BCAR3: variants seen among roughly 807,000 people sequenced by gnomAD.
BCAR3 encodes the protein breast cancer anti-estrogen resistance protein 3.
Under a neutral mutation model 80.1 loss-of-function variants are expected in BCAR3, and 37 were observed. The ratio of observed to expected loss-of-function variants is 0.46; its 90% confidence interval spans 0.36 to 0.61. BCAR3 has a LOEUF of 0.61. Ranked by LOEUF, BCAR3 falls within the 20% of genes least tolerant of loss-of-function variation. The pLI, the probability that BCAR3 is intolerant of heterozygous loss-of-function variation, is 0.00. For synonymous variants in BCAR3, 389 were observed against 418.9 expected (o/e 0.93, Z 0.87); for missense variants, 978 against 1,068.2 (o/e 0.92, Z 1.18).
chr1:93,704,106 A>T (rs1236493092), intron 3 of BCAR3, among the ~76,000 whole-genome samples: 3 of 152,204 alleles, frequency 2.0e-5, no homozygotes, highest in African/African-American at 4.8e-5. Flanking sequence ...AGGGCTAGTG[A>T]GAGACTTAGG....
chr1:93,693,062 C>T (rs1053998839), intron 3 of BCAR3, among the ~76,000 whole-genome samples: 27 of 152,084 alleles, frequency 1.8e-4, no homozygotes, highest in Non-Finnish European at 3.5e-4. Context: ...CTCCAGTGCC[C>T]GGGGTTTGCC....
chr1:93,757,382 T>C (rs1445634616), intron 2 of BCAR3, among the ~76,000 whole-genome samples: 1 of 152,118 alleles, frequency 6.6e-6, no homozygotes, highest in Non-Finnish European at 1.5e-5. Flanking sequence ...CACATCTCAC[T>C]CCACTGAGAC....
chr1:93,562,488 C>T, intron 11 of BCAR3, 69 bp from the exon 12 acceptor site: 1 of 1,502,044 alleles, frequency 6.7e-7, no homozygotes, highest in Non-Finnish European at 9.1e-7. Context: ...AGACTGAAAG[C>T]ACCAGGCGCG....
intron 3 of BCAR3, among the ~76,000 whole-genome samples, chr1:93,634,405 G>GTT (rs1675714342): frequency 6.6e-6 from 1 of 152,098 alleles, no homozygotes; most frequent in Admixed American, 6.6e-5. Context: ...AAAATGGGGA[G>GTT]TTTTGGCTGG....
intron 2 of BCAR3, among the ~76,000 whole-genome samples, chr1:93,664,611 CACAGTGGT>C (rs1396007061): frequency 6.6e-6 from 1 of 152,172 alleles, no homozygotes; most frequent in African/African-American, 2.4e-5. Context: ...AAGACTAATA[CACAGTGGT>C]ACTGGTTGAT....
intron 2 of BCAR3, among the ~76,000 whole-genome samples, chr1:93,809,259 C>T (rs1044586259): frequency 2.6e-5 from 4 of 152,024 alleles, no homozygotes; most frequent in African/African-American, 9.7e-5. Flanking sequence ...GCTGACTCCT[C>T]TATCACTGTA....
chr1:93,718,829 G>A (rs754946101), intron 2 of BCAR3, among the ~76,000 whole-genome samples: 11 of 150,272 alleles, frequency 7.3e-5, no homozygotes, highest in Non-Finnish European at 1.3e-4. Context: ...CCATGTAGCT[G>A]GGACTACAGG....
At chr1:93,806,018 G>T (rs1050362853) in intron 2 of BCAR3, among the ~76,000 whole-genome samples, 6 of 151,986 alleles carry the variant, frequency 3.9e-5, no homozygotes, top group Admixed American at 2.6e-4. Context: ...CCCAAGTATA[G>T]ATTTGAAAAG....
chr1:93,576,060 T>C lies in BCAR3; in HGVS notation c.1756A>G (p.Ile586Val). The C allele has an allele frequency of 1.2e-6, 2 of 1,614,146 alleles. No homozygotes were observed. The highest frequency in any genetic ancestry group is 1.7e-6 in the Non-Finnish European group (2 of 1,180,022). ...NMGVSSGLELITLPHGHQLRL... is the reference protein window; with the variant it reads ...NMGVSSGLELVTLPHGHQLRL... Reference sequence around the variant, plus strand: ...AGCTGGTGTCCGTGAGGCAAGGTAATGAGTTCCAGGCCTGAGCTCACCCCC... The same window carrying C: ...AGCTGGTGTCCGTGAGGCAAGGTAACGAGTTCCAGGCCTGAGCTCACCCCC... The change falls in exon 8 of 12, where the codon ATT becomes GTT. Residue 586 changes from isoleucine to valine, a missense_variant. Coordinates refer to ENST00000260502, the MANE Select transcript of BCAR3 (RefSeq NM_003567.4).
chr1:93,577,776 C>T (rs1253988718), intron 7 of BCAR3, among the ~76,000 whole-genome samples: 1 of 152,190 alleles, frequency 6.6e-6, no homozygotes, highest in Non-Finnish European at 1.5e-5. Context: ...AGGGGTGTCC[C>T]CCACGCTCTG....
intron 2 of BCAR3, among the ~76,000 whole-genome samples, chr1:93,770,595 G>A (rs915783753): frequency 2.0e-5 from 3 of 152,126 alleles, no homozygotes; most frequent in Admixed American, 6.5e-5. Flanking sequence ...CACATAACCT[G>A]GGAGCATCCC....
At chr1:93,614,310 G>A (rs544550848) in intron 3 of BCAR3, among the ~76,000 whole-genome samples, 5 of 152,100 alleles carry the variant, frequency 3.3e-5, no homozygotes, top group Admixed American at 6.5e-5. Context: ...CCTCTCCCCC[G>A]ACCCAGAATT....
At chr1:93,829,684 T>C (rs1393955355) in intron 2 of BCAR3, among the ~76,000 whole-genome samples, 2 of 152,220 alleles carry the variant, frequency 1.3e-5, no homozygotes, top group Non-Finnish European at 2.9e-5. Flanking sequence ...GCCATGCTTT[T>C]CCCTTGTTAA....
chr1:93,723,280 C>G (rs1334625977), intron 2 of BCAR3: 1 of 152,352 alleles, frequency 6.6e-6, no homozygotes, highest in East Asian at 1.9e-4. Context: ...GCCCTGTTGG[C>G]ATGGAGGCAA....
At position 93,674,623 on chromosome 1, in the gene BCAR3, A is replaced by C; in HGVS notation, c.308T>G (p.Phe103Cys). 1 of 1,612,644 alleles carries C rather than the reference A, an allele frequency of 6.2e-7. No homozygotes were observed. The highest frequency in any genetic ancestry group is 8.5e-7 in the Non-Finnish European group (1 of 1,179,712). The change falls in exon 2 of 12, where the codon TTC (phenylalanine) becomes TGC (cysteine). Residue 103 changes from phenylalanine to cysteine, a missense_variant. Physicochemically the swap from Phe to Cys is radical, Grantham distance 205. Coordinates refer to ENST00000260502, the MANE Select transcript of BCAR3 (RefSeq NM_003567.4). ...AAATTACAGAAGTTACCTGAAGGTG[A>C]AGGTTTCGCCGTGCCGGTCCTGCCA... is the stretch of plus-strand genomic sequence containing the variant. ...SPWQDRHGET[F>C]TFRDPHLLDP...
At chr1:93,564,103 A>G (rs957432752) in intron 11 of BCAR3, among the ~76,000 whole-genome samples, 3 of 151,926 alleles carry the variant, frequency 2.0e-5, no homozygotes, top group African/African-American at 7.3e-5. Flanking sequence ...CTTTTCATGT[A>G]GTTGTCATTT....
chr1:93,758,931 A>G (rs530816815), intron 2 of BCAR3, among the ~76,000 whole-genome samples: 2 of 152,336 alleles, frequency 1.3e-5, no homozygotes, highest in East Asian at 3.9e-4. Flanking sequence ...CTGGTTGGCC[A>G]GATGCCAGGG....
At chr1:93,575,949 A>G in intron 8 of BCAR3, 65 bp downstream of exon 8, 1 of 1,448,714 alleles carries the variant, frequency 6.9e-7, no homozygotes, top group South Asian at 1.2e-5. Context: ...TTGTTCTAAA[A>G]CCTGCTGCTC....
intron 2 of BCAR3, among the ~76,000 whole-genome samples, chr1:93,733,823 G>C (rs769151312): frequency 6.6e-6 from 1 of 152,244 alleles, no homozygotes; most frequent in African/African-American, 2.4e-5. Flanking sequence ...TTGGGGACTA[G>C]TATAAAGGTT....
Sources: gnomAD v4.1 joint callset for allele counts (sites outside exome capture counted in the v4.1 genomes callset) on GRCh38, gnomAD v4.1.1 for gene constraint, MANE v1.5 for transcripts, NCBI Gene and HGNC (gene_info 2026-07-23, HGNC 2026-07-21) for gene names.